Variants in AK2 observed in about 807,000 individuals in gnomAD.
The protein encoded by AK2 is adenylate kinase 2, mitochondrial.
In AK2, 15 loss-of-function variants were observed where a neutral mutation model predicts 24.6. The ratio of observed to expected loss-of-function variants is 0.61; its 90% CI spans 0.41 to 0.94. AK2 has a LOEUF of 0.94. Ranked by LOEUF, AK2 falls within the 40% of genes least tolerant of loss-of-function variation. AK2 has a pLI of 0.00. For missense variants in AK2, 257 were observed against 304.1 expected, an observed-to-expected ratio of 0.85 and a Z score of 1.15; for synonymous variants, 102 against 114.0, an observed-to-expected ratio of 0.90 and a Z score of 0.67.
At position 33,020,228 on chromosome 1, in the gene AK2, C is replaced by CACACACAA. The variant is rs3222631; in HGVS notation, c.425+1138_425+1139insTTGTGTGT. On this transcript the variant is annotated intron_variant, in intron 4 of 5. Transcript: ENST00000672715. ...ACACACACACACACACACACACACA[C>CACACACAA]AAAGTGGCTGTACTATGAGCAAATT... is the stretch of plus-strand genomic sequence containing the variant. 1,018 of 1,064,268 alleles carry CACACACAA rather than the reference C, an allele frequency of 9.6e-4. 4 individuals carry two copies. The African/African-American group carries it at 0.015, about 16-fold the overall frequency. The allele number at this position is 1,064,268 out of a possible 1,614,324, so 65.9% of individuals were successfully genotyped here.
intron 1 of AK2, among the ~76,000 whole-genome samples, chr1:33,034,449 T>TAC (rs71833811): frequency 0.1 from 14,881 of 141,872 alleles, 748 homozygotes; most frequent in Middle Eastern, 0.13. Context: ...GGGTGCTTGA[T>TAC]ACACACACAC....
At chr1:33,021,285 T>C (rs1639533931) in intron 4 of AK2, 82 bp downstream of exon 4, 2 of 1,231,782 alleles carry the variant, frequency 1.6e-6, no homozygotes, top group Non-Finnish European at 2.4e-6. Context: ...CTAAGCTTCA[T>C]GGCCGGGATT....
Position 33,012,285 on chromosome 1 carries a change from G to A in AK2, c.*896C>T, listed in dbSNP as rs1638870312. The A allele has an allele frequency of 1.4e-5, 21 of 1,533,988 alleles. No homozygotes were observed. The highest frequency in any genetic ancestry group is 2.4e-5 in the East Asian group (1 of 40,850). On this transcript the variant is annotated 3_prime_UTR_variant, in exon 6 of 6. Coordinates refer to ENST00000672715, the MANE Select transcript of AK2 (RefSeq NM_001625.4). ...AATTTGGCCTGGCTCTTTTTATGAC[G>A]ATATCCTCTCCCAGTAATTTCTGTA... is the stretch of plus-strand genomic sequence containing the variant.
chr1:33,016,956 C>T (rs933118919), intron 4 of AK2, among the ~76,000 whole-genome samples: 6 of 151,890 alleles, frequency 4.0e-5, no homozygotes, highest in Non-Finnish European at 7.4e-5. Context: ...CCACCCACCT[C>T]GGCCTCCCAA....
intron 5 of AK2, 136 bp downstream of exon 5, chr1:33,014,385 TG>T (rs1639040515): frequency 1.4e-6 from 1 of 712,134 alleles, no homozygotes; most frequent in Non-Finnish European, 2.5e-6. Context: ...GTGATTTACT[TG>T]ATAGTGTTAT....
At chr1:33,016,305 G>T (rs899869970) in intron 4 of AK2, among the ~76,000 whole-genome samples, 9 of 152,082 alleles carry the variant, frequency 5.9e-5, no homozygotes, top group Non-Finnish European at 1.2e-4. Flanking sequence ...TCCGCCTCCT[G>T]GGTTCACGCC....
At chr1:33,026,633 C>T (rs1639902729) in intron 1 of AK2, among the ~76,000 whole-genome samples, 1 of 149,998 alleles carries the variant, frequency 6.7e-6, no homozygotes, top group Non-Finnish European at 1.5e-5. Context: ...ATGGTGAAAC[C>T]CCGTCTCTAC....
rs528948228 is a variant in AK2 at position 33,018,460 on chromosome 1, A to G, written c.425+2907T>C. Among the ~76,000 whole-genome samples the G allele has an allele frequency of 6.6e-5, 10 of 152,272 alleles. No homozygotes were observed. In the South Asian group the frequency reaches 1.9e-3, roughly 28 times the overall value. Reference sequence around the variant, plus strand: ...AACAACAAAAAAAAACAGAAAAGAAAAAGATCCATATTAAACTGACTGGTT... The same window carrying G: ...AACAACAAAAAAAAACAGAAAAGAAGAAGATCCATATTAAACTGACTGGTT... On this transcript the variant is annotated intron_variant, in intron 4 of 5. Coordinates refer to ENST00000672715, the MANE Select transcript of AK2 (RefSeq NM_001625.4).
intron 1 of AK2, chr1:33,032,061 T>C (rs1640270283): frequency 5.5e-6 from 1 of 181,468 alleles, no homozygotes; most frequent in East Asian, 1.5e-4. Context: ...CATAAAATAC[T>C]GAGTTACGCA....
intron 1 of AK2, among the ~76,000 whole-genome samples, chr1:33,036,074 C>T (rs1640560913): frequency 6.6e-6 from 1 of 152,176 alleles, no homozygotes; most frequent in Non-Finnish European, 1.5e-5. Context: ...AGCCAGGTCC[C>T]ATGAGCACTC....
In AK2 at chr1:33,013,282, G is replaced by A; in HGVS notation, c.619C>T (p.His207Tyr). The change falls in exon 6 of 6, where the codon CAC (histidine) becomes TAC (tyrosine). Residue 207 changes from histidine to tyrosine, a missense_variant. By Grantham distance (83) the His-to-Tyr change is moderately conservative (BLOSUM62 2). Coordinates refer to ENST00000672715, the MANE Select transcript of AK2 (RefSeq NM_001625.4). Reference protein sequence around the residue: ...LIEYYRKRGIHSAIDASQTPD... With the variant: ...LIEYYRKRGIYSAIDASQTPD... ...GTCTGGGATGCATCGATGGCGGAGTGGATCCCCCGTTTCCTGTAGTACTCT... is the reference window on the plus strand; with the variant it reads ...GTCTGGGATGCATCGATGGCGGAGTAGATCCCCCGTTTCCTGTAGTACTCT... 6.2e-7 allele frequency: 1 copy of A among 1,614,142 alleles called. No homozygotes were observed. The highest frequency in any genetic ancestry group is 8.5e-7 in the Non-Finnish European group (1 of 1,180,014).
chr1:33,034,930 T>TA (rs996637344), intron 1 of AK2, among the ~76,000 whole-genome samples: 47 of 152,042 alleles, frequency 3.1e-4, no homozygotes, highest in African/African-American at 1.0e-3. Context: ...CATGTGCCTG[T>TA]ACTCCCAGCT....
At position 33,009,631 on chromosome 1, in the gene AK2, C is replaced by T. The variant is rs1456958857; in HGVS notation, c.*3550G>A. 2.2e-5 allele frequency: 10 copies of T among 453,980 alleles called. No homozygotes were observed. Among genetic ancestry groups the T allele is most frequent in the Non-Finnish European group, 4.0e-5 (9 of 226,804 alleles). The allele number at this position is 453,980 out of a possible 1,614,324, so 28.1% of individuals were successfully genotyped here. On this transcript the variant is annotated 3_prime_UTR_variant, in exon 6 of 6. Coordinates refer to ENST00000672715, the MANE Select transcript of AK2 (RefSeq NM_001625.4). The stretch of plus-strand genomic sequence containing the variant: ...CAACTTCCTTTTTCAGCTGAGGAAA[C>T]AGGAGCACAGTGAATAACTAACTGG...
chr1:33,015,752 G>A (rs546685658), intron 4 of AK2, among the ~76,000 whole-genome samples: 1 of 152,172 alleles, frequency 6.6e-6, no homozygotes, highest in Admixed American at 6.5e-5. Context: ...ATTTAGCTGG[G>A]TGGCAGGCAC....
At chr1:33,015,779 T>G (rs888043488) in intron 4 of AK2, among the ~76,000 whole-genome samples, 1 of 152,082 alleles carries the variant, frequency 6.6e-6, no homozygotes, top group African/African-American at 2.4e-5. Flanking sequence ...TCCCAGCTAC[T>G]TGGGAGGCTG....
At chr1:33,033,849 T>C (rs1640401725) in intron 1 of AK2, among the ~76,000 whole-genome samples, 1 of 152,196 alleles carries the variant, frequency 6.6e-6, no homozygotes, top group African/African-American at 2.4e-5. Flanking sequence ...AATGTTATTG[T>C]AGGCTACCAT....
chr1:33,027,600 T>C (rs1639975482), intron 1 of AK2, among the ~76,000 whole-genome samples: 2 of 151,694 alleles, frequency 1.3e-5, no homozygotes, highest in Admixed American at 1.3e-4. Context: ...ATACAAAAAT[T>C]AGCCAGGCGT....
intron 2 of AK2, 95 bp downstream of exon 2, chr1:33,024,347 T>C: frequency 6.5e-7 from 1 of 1,532,296 alleles, no homozygotes. Flanking sequence ...ATTAAATTAA[T>C]CTAAATAGCC....
intron 1 of AK2, among the ~76,000 whole-genome samples, chr1:33,028,361 G>T (rs2124366319): frequency 6.6e-6 from 1 of 152,166 alleles, no homozygotes. Flanking sequence ...AAATTAGCTG[G>T]GCGTGGTGGC....
Sources: allele counts gnomAD v4.1 joint callset (sites outside exome capture counted in the v4.1 genomes callset), GRCh38; gene constraint gnomAD v4.1.1; transcripts MANE v1.5; gene names NCBI Gene and HGNC (gene_info 2026-07-23, HGNC 2026-07-21).